The following LRP1B variants were observed in gnomAD, a reference collection of about 807,000 sequenced individuals.
LRP1B encodes the protein LDL receptor related protein 1B, also known as low-density lipoprotein receptor-related protein 1B.
A neutral mutation model predicts 556.6 loss-of-function variants in LRP1B; 217 were observed. The ratio of observed to expected loss-of-function variants is 0.39; its 90% CI spans 0.35 to 0.44. The LOEUF is 0.44. Ranked by LOEUF, LRP1B falls within the 20% of genes least tolerant of loss-of-function variation. The pLI is 1.00. For missense variants in LRP1B, 5,053 were observed against 5,620.8 expected (o/e 0.90, Z 3.23); for synonymous variants, 2,047 against 1,865.8 (o/e 1.10, Z -2.50).
At chr2:140,761,746 C>T (rs1559102921) in intron 35 of LRP1B, among the ~76,000 whole-genome samples, 2 of 152,134 alleles carry the variant, frequency 1.3e-5, no homozygotes, top group East Asian at 1.9e-4. Context: ...TCTGATGAGA[C>T]CACATCTCTG....
intron 1 of LRP1B, among the ~76,000 whole-genome samples, chr2:141,898,887 T>C (rs1699534934): frequency 6.6e-6 from 1 of 152,130 alleles, no homozygotes; most frequent in South Asian, 2.1e-4. Flanking sequence ...TGCAACCCTG[T>C]CATTCTAAAA....
At chr2:140,929,025 G>A (rs1694969799) in intron 20 of LRP1B, among the ~76,000 whole-genome samples, 1 of 152,120 alleles carries the variant, frequency 6.6e-6, no homozygotes, top group African/African-American at 2.4e-5. Flanking sequence ...TTTTGAAGCA[G>A]AGAAGTGACG....
intron 84 of LRP1B, among the ~76,000 whole-genome samples, chr2:140,284,779 GATAGATAA>G (rs1195130208): frequency 2.3e-4 from 30 of 130,234 alleles, no homozygotes; most frequent in African/African-American, 8.4e-4. Flanking sequence ...AAAGTTAGAT[GATAGATAA>G]ATAGAGGGAT....
rs537255514 is a variant in LRP1B at position 140,321,795 on chromosome 2, T to TGAAAGTCTTCTC, written c.12640+156_12640+167dup. On this transcript the variant is annotated intron_variant, in intron 82 of 90. Transcript: ENST00000389484. ...GTGAATAAATGCAGAATGAATTGTT[T>TGAAAGTCTTCTC]GAAAGTCTTCTCCAGAGAAAAGTAC... Among the ~76,000 whole-genome samples, 531 of 152,228 alleles carry TGAAAGTCTTCTC rather than the reference T, an allele frequency of 3.5e-3. 2 individuals are homozygous for TGAAAGTCTTCTC. Among genetic ancestry groups the TGAAAGTCTTCTC allele is most frequent in the South Asian group, 0.015 (72 of 4,824 alleles).
At chr2:141,576,320 A>G (rs1358106272) in intron 2 of LRP1B, among the ~76,000 whole-genome samples, 1 of 152,152 alleles carries the variant, frequency 6.6e-6, no homozygotes, top group African/African-American at 2.4e-5. Context: ...CAGCAAACTA[A>G]CACATAAGTA....
chr2:141,858,813 T>TG (rs1698148405), intron 1 of LRP1B, among the ~76,000 whole-genome samples: 1 of 152,194 alleles, frequency 6.6e-6, no homozygotes, highest in South Asian at 2.1e-4. Flanking sequence ...AGGAATCTGA[T>TG]GCTCTAAGAG....
intron 1 of LRP1B, among the ~76,000 whole-genome samples, chr2:141,965,756 TAA>T (rs1558991479): frequency 2.1e-5 from 1 of 48,412 alleles, no homozygotes; most frequent in Non-Finnish European, 5.4e-5. Context: ...TTAAAAAAAA[TAA>T]TAATAATAGT....
At chr2:142,086,972 C>A (rs991615198) in intron 1 of LRP1B, among the ~76,000 whole-genome samples, 1 of 151,952 alleles carries the variant, frequency 6.6e-6, no homozygotes, top group African/African-American at 2.4e-5. Flanking sequence ...TTTGCCTAAT[C>A]TGATTAATTT....
chr2:140,514,532 G>GA, intron 51 of LRP1B, 121 bp downstream of exon 51: 1 of 804,674 alleles, frequency 1.2e-6, no homozygotes, highest in Non-Finnish European at 1.8e-6. Flanking sequence ...CAGCTACCTA[G>GA]AAAGGTACAC....
chr2:142,004,231 G>A (rs1025251023), intron 1 of LRP1B, among the ~76,000 whole-genome samples: 2 of 152,100 alleles, frequency 1.3e-5, no homozygotes, highest in Non-Finnish European at 2.9e-5. Context: ...ACAGAATTAT[G>A]AGGAACTGAG....
chr2:142,108,127 T>C (rs1706822252), intron 1 of LRP1B, among the ~76,000 whole-genome samples: 1 of 151,224 alleles, frequency 6.6e-6, no homozygotes, highest in African/African-American at 2.4e-5. Context: ...TTTCTGAAAA[T>C]CAAATATAAA....
chr2:141,596,575 G>A (rs1292901077), intron 2 of LRP1B, among the ~76,000 whole-genome samples: 1 of 151,892 alleles, frequency 6.6e-6, no homozygotes, highest in Non-Finnish European at 1.5e-5. Flanking sequence ...AACCACAAAT[G>A]CACTCACTAT....
chr2:140,832,139 AT>A (rs144987231), intron 31 of LRP1B, among the ~76,000 whole-genome samples: 6 of 151,668 alleles, frequency 4.0e-5, no homozygotes, highest in South Asian at 2.1e-4. Flanking sequence ...CTTATATATG[AT>A]TTTTTTTTCA....
chr2:141,036,872 A>G (rs1177851178), intron 11 of LRP1B, among the ~76,000 whole-genome samples: 1 of 151,840 alleles, frequency 6.6e-6, no homozygotes, highest in South Asian at 2.1e-4. Flanking sequence ...AAAAAAGACA[A>G]TTGCTGCCCT....
chr2:140,274,013 C>T (rs1286966408), intron 85 of LRP1B, among the ~76,000 whole-genome samples: 1 of 151,970 alleles, frequency 6.6e-6, no homozygotes, highest in Non-Finnish European at 1.5e-5. Context: ...TTTGCTCCTC[C>T]TTCAACAAAT....
intron 6 of LRP1B, among the ~76,000 whole-genome samples, chr2:141,191,600 T>C (rs932110258): frequency 6.6e-6 from 1 of 151,940 alleles, no homozygotes; most frequent in East Asian, 1.9e-4. Context: ...ATTTTCAGGC[T>C]ATTGATACTA....
chr2:141,522,358 T>C (rs1684555854), intron 2 of LRP1B, among the ~76,000 whole-genome samples: 1 of 152,122 alleles, frequency 6.6e-6, no homozygotes, highest in Non-Finnish European at 1.5e-5. Flanking sequence ...AAAATCTAGA[T>C]AAGATTCAGA....
In LRP1B at chr2:141,474,736, TA is replaced by T. The variant is rs1682634951; in HGVS notation, c.343+5659del. On this transcript the variant is annotated intron_variant, in intron 3 of 90. Transcript: ENST00000389484. ...TATGCCAATTAATTATGTCATATAC[TA>T]ATAATCATACAGGAAAATGTTCAGA... Among the ~76,000 whole-genome samples, 16 of 152,298 alleles carry T rather than the reference TA, an allele frequency of 1.1e-4. No individual in the cohort carries two copies. In the South Asian group the frequency reaches 3.3e-3, roughly 32 times the overall value.
intron 6 of LRP1B, among the ~76,000 whole-genome samples, chr2:141,227,385 G>A (rs1683289878): frequency 6.6e-6 from 1 of 152,130 alleles, no homozygotes; most frequent in Admixed American, 6.6e-5. Context: ...AAGGACTGTG[G>A]CCTTGTGTTC....
Sources: gnomAD v4.1 joint callset for allele counts (sites outside exome capture counted in the v4.1 genomes callset) on GRCh38, gnomAD v4.1.1 for gene constraint, MANE v1.5 for transcripts, NCBI Gene and HGNC (gene_info 2026-07-23, HGNC 2026-07-21) for gene names.